The following NXT2 variants were observed in gnomAD, a reference collection of about 807,000 sequenced individuals.
NXT2 encodes the protein nuclear transport factor 2 like export factor 2, also known as NTF2-related export protein 2.
Under a neutral mutation model 9.6 loss-of-function variants are expected in NXT2, and 1 was observed. The observed-to-expected ratio is 0.10, with a 90% CI of 0.04 to 0.49. NXT2 has a LOEUF of 0.49. NXT2 is among the 20% of genes least tolerant of loss of function. The pLI, the probability that NXT2 is intolerant of heterozygous loss-of-function variation, is 0.95. For synonymous variants in NXT2, 22 were observed against 35.4 expected (o/e 0.62, Z 1.34); for missense variants, 48 against 100.3 (o/e 0.48, Z 2.23).
Position 109,543,465 on chromosome X carries a change from C to T in NXT2, c.*777C>T, listed in dbSNP as rs1287380221. The T allele has an allele frequency of 1.8e-5, 2 of 111,702 alleles. No individual in the cohort carries two copies. Among genetic ancestry groups the T allele is most frequent in the Non-Finnish European group, 3.8e-5 (2 of 52,941 alleles). The allele number at this position is 111,702 out of a possible 1,213,427, so 9.2% of individuals were successfully genotyped here. A position where few individuals can be genotyped will look rare whatever the true frequency, so the allele number is the denominator to read the frequency against. ...GGGAATGAGAAATAGAAATCCAAGG[C>T]TGAAGCCAAAAGTAAGGAGGGTGGC... On this transcript the variant is annotated 3_prime_UTR_variant, in exon 4 of 4. Coordinates refer to ENST00000372106, the MANE Select transcript of NXT2 (RefSeq NM_001242617.2).
chrX:109,542,431 GTAT>G (rs997677874), intron 3 of NXT2, 73 bp from the exon 4 acceptor site: 2 of 901,648 alleles, frequency 2.2e-6, no homozygotes, highest in African/African-American at 4.1e-5. Flanking sequence ...CATAAACAAT[GTAT>G]TTTAAGCCTG....
At position 109,536,926 on chromosome X, in the gene NXT2, T is replaced by A. The variant is rs770279889; in HGVS notation, c.-81T>A. Reference sequence around the variant, plus strand: ...GTTTCGCTCTCTTCATAAGTATTGATCATTCCGCAGCCCTGCGGACCGGAC... The same window carrying A: ...GTTTCGCTCTCTTCATAAGTATTGAACATTCCGCAGCCCTGCGGACCGGAC... On this transcript the variant is annotated 5_prime_UTR_variant, in exon 1 of 4. Transcript: ENST00000372106. 1.7e-6 allele frequency: 2 copies of A among 1,210,337 alleles called. No individual in the cohort carries two copies. The highest frequency in any genetic ancestry group is 2.2e-5 in the Admixed American group (1 of 45,972).
upstream of NXT2, chrX:109,536,657 G>C: frequency 6.7e-6 from 2 of 299,627 alleles, 1 homozygote; most frequent in South Asian, 2.0e-4. Context: ...TTTCATTTTT[G>C]CTTGTCCCCA....
In NXT2 at chrX:109,544,440, T is replaced by C. The variant is rs923398120; in HGVS notation, c.*1752T>C. The stretch of plus-strand genomic sequence containing the variant: ...AGCTTCAGCAGCAACAATCAGAATG[T>C]CCAAATGCTGTCCTTTCCCTTACAG... On this transcript the variant is annotated 3_prime_UTR_variant, in exon 4 of 4. Coordinates refer to ENST00000372106, the MANE Select transcript of NXT2 (RefSeq NM_001242617.2). The C allele has an allele frequency of 8.9e-6, 1 of 112,677 alleles. No homozygotes were observed. The highest frequency in any genetic ancestry group is 1.9e-5 in the Non-Finnish European group (1 of 53,179). 9.3% of individuals were successfully genotyped at this position (112,677 alleles called of 1,213,427 possible).
rs1050832418 is a variant in NXT2, at chrX:109,537,467, A to G, written c.15+446A>G. 8.2e-6 allele frequency: 5 copies of G among 611,547 alleles called. 1 individual carries two copies. The highest frequency in any genetic ancestry group is 1.8e-4 in the Admixed American group (2 of 11,314). The allele number at this position is 611,547 out of a possible 1,213,427, so 50.4% of individuals were successfully genotyped here. ...CAACAGCGTTGCTTTCTTCGGTGTC[A>G]CAGTTCTTAGGCAAACAGCAGTGAA... On this transcript the variant is annotated intron_variant, in intron 1 of 3. Transcript: ENST00000372106.
rs775731678 is a variant in NXT2 at position 109,544,254 on chromosome X, C to T, written c.*1566C>T. The T allele has an allele frequency of 8.2e-4, 92 of 112,782 alleles. No individual in the cohort carries two copies. The highest frequency in any genetic ancestry group is 4.6e-3 in the Middle Eastern group (1 of 216). 9.3% of individuals were successfully genotyped at this position (112,782 alleles called of 1,213,427 possible). ...GTAATTCATTTACTCTTGCCCAAAA[C>T]TATACACTGTATTTCTGTTATAGTA... On this transcript the variant is annotated 3_prime_UTR_variant, in exon 4 of 4. Coordinates refer to ENST00000372106, the MANE Select transcript of NXT2 (RefSeq NM_001242617.2).
At position 109,543,309 on chromosome X, in the gene NXT2, T is replaced by C. The variant is rs895350316; in HGVS notation, c.*621T>C. The C allele has an allele frequency of 8.9e-6, 1 of 112,226 alleles. No individual in the cohort carries two copies. The highest frequency in any genetic ancestry group is 1.9e-5 in the Non-Finnish European group (1 of 53,106). The allele number at this position is 112,226 out of a possible 1,213,427, so 9.2% of individuals were successfully genotyped here. A position where few individuals can be genotyped will look rare whatever the true frequency, so the allele number is the denominator to read the frequency against. On this transcript the variant is annotated 3_prime_UTR_variant, in exon 4 of 4. Transcript: ENST00000372106. ...TAGAGAGGTGCAAAACGTTCTCAGTTGATATCTGAGTATTGGGTGCATTTG... is the reference window on the plus strand; with the variant it reads ...TAGAGAGGTGCAAAACGTTCTCAGTCGATATCTGAGTATTGGGTGCATTTG...
rs1933473677 is a variant in NXT2, at chrX:109,543,926, ATT to A, written c.*1241_*1242del. On this transcript the variant is annotated 3_prime_UTR_variant, in exon 4 of 4. Coordinates refer to ENST00000372106, the MANE Select transcript of NXT2 (RefSeq NM_001242617.2). ...AATTATTTAAAGGTAGAATTATTTA[ATT>A]TTGTGATTTGTTCTTCCATATGACA... The A allele has an allele frequency of 8.9e-6, 1 of 112,338 alleles. No homozygotes were observed. Among genetic ancestry groups the A allele is most frequent in the Non-Finnish European group, 1.9e-5 (1 of 53,071 alleles). The allele number at this position is 112,338 out of a possible 1,213,427, so 9.3% of individuals were successfully genotyped here. A position where few individuals can be genotyped will look rare whatever the true frequency, so the allele number is the denominator to read the frequency against.
At chrX:109,536,185 C>T (rs1043188787), upstream of NXT2, among the ~76,000 whole-genome samples, 1 of 110,738 alleles carries the variant, frequency 9.0e-6, no homozygotes, top group Non-Finnish European at 1.9e-5. Context: ...ATAGCAATTA[C>T]CTCAGCATTG....
chrX:109,538,560 T>C, intron 2 of NXT2, among the ~76,000 whole-genome samples: 1 of 111,582 alleles, frequency 9.0e-6, no homozygotes, highest in East Asian at 2.8e-4. Flanking sequence ...TCGCCCCTTT[T>C]ATTTCATATA....
intron 3 of NXT2, among the ~76,000 whole-genome samples, 192 bp from the exon 4 acceptor site, chrX:109,542,315 T>G (rs773902833): frequency 8.1e-5 from 9 of 111,499 alleles, no homozygotes; most frequent in South Asian, 3.7e-4. Context: ...CTGAAAATAA[T>G]TTTAATATCT....
intron 2 of NXT2, among the ~76,000 whole-genome samples, chrX:109,539,065 C>G (rs745450809): frequency 5.0e-4 from 55 of 110,952 alleles, no homozygotes; most frequent in Non-Finnish European, 8.1e-4. Context: ...ATGTTCCCTT[C>G]CCTGTGTCCA....
chrX:109,544,558 T>C lies in NXT2; in HGVS notation c.*1870T>C, dbSNP rs1323269479. On this transcript the variant is annotated 3_prime_UTR_variant, in exon 4 of 4. Transcript: ENST00000372106. ...CATGATTGTTGTGTTTTAAGACTTGTATATAAACTGCTTTTTCCAAACTCT... is the reference window on the plus strand; with the variant it reads ...CATGATTGTTGTGTTTTAAGACTTGCATATAAACTGCTTTTTCCAAACTCT... 1 of 112,739 alleles carries C rather than the reference T, an allele frequency of 8.9e-6. No homozygotes were observed. The highest frequency in any genetic ancestry group is 3.2e-5 in the African/African-American group (1 of 31,043). 9.3% of individuals were successfully genotyped at this position (112,739 alleles called of 1,213,427 possible). A position where few individuals can be genotyped will look rare whatever the true frequency, so the allele number is the denominator to read the frequency against.
At position 109,543,669 on chromosome X, in the gene NXT2, C is replaced by T. The variant is rs1313757839; in HGVS notation, c.*981C>T. ...TCATACTTATCACCAATGTATATCT[C>T]CATTTATTCAATAACTTACTGGGGT... On this transcript the variant is annotated 3_prime_UTR_variant, in exon 4 of 4. Transcript: ENST00000372106. The T allele has an allele frequency of 8.9e-6, 1 of 111,942 alleles. No individual in the cohort carries two copies. The highest frequency in any genetic ancestry group is 3.2e-5 in the African/African-American group (1 of 30,794). The allele number at this position is 111,942 out of a possible 1,213,427, so 9.2% of individuals were successfully genotyped here.
chrX:109,541,622 A>G lies in NXT2; in HGVS notation c.247+3A>G, dbSNP rs1181317160. The G allele has an allele frequency of 1.7e-6, 2 of 1,191,952 alleles. No homozygotes were observed. The highest frequency in any genetic ancestry group is 3.7e-5 in the South Asian group (2 of 54,123). On this transcript the variant is annotated splice_donor_region_variant and intron_variant, in intron 3 of 3. Transcript: ENST00000372106. ...GTTAGATTGCCAACCAGTTCATGGT[A>G]AGATCATGATCTTTCAAGATGCTTC...
At chrX:109,537,381 T>G in intron 1 of NXT2, 14 of 809,567 alleles carry the variant, frequency 1.7e-5, no homozygotes, top group Non-Finnish European at 1.9e-5. Context: ...AATTTAGTAA[T>G]AGACTGGGCC....
chrX:109,536,702 T>G, upstream of NXT2: 1 of 478,412 alleles, frequency 2.1e-6, no homozygotes, highest in South Asian at 5.6e-5. Flanking sequence ...ACTTTCCTGT[T>G]GAGTATCATG....
At chrX:109,540,024 G>A (rs1000298598) in intron 2 of NXT2, among the ~76,000 whole-genome samples, 6 of 111,715 alleles carry the variant, frequency 5.4e-5, no homozygotes, top group Admixed American at 4.7e-4. Flanking sequence ...GTAAGGAAGG[G>A]GTCCAGTTTC....
rs1933488495 is a variant in NXT2 at position 109,544,535 on chromosome X, T to C, written c.*1847T>C. ...TACATTGAACGGTGTGCATTGTTCATGATTGTTGTGTTTTAAGACTTGTAT... is the reference window on the plus strand; with the variant it reads ...TACATTGAACGGTGTGCATTGTTCACGATTGTTGTGTTTTAAGACTTGTAT... On this transcript the variant is annotated 3_prime_UTR_variant, in exon 4 of 4. Transcript: ENST00000372106. 1 of 112,791 alleles carries C rather than the reference T, an allele frequency of 8.9e-6. No homozygotes were observed. Among genetic ancestry groups the C allele is most frequent in the Admixed American group, 9.4e-5 (1 of 10,618 alleles). The allele number at this position is 112,791 out of a possible 1,213,427, so 9.3% of individuals were successfully genotyped here.
Sources: allele counts gnomAD v4.1 joint callset (sites outside exome capture counted in the v4.1 genomes callset), GRCh38; gene constraint gnomAD v4.1.1; transcripts MANE v1.5; gene names NCBI Gene and HGNC (gene_info 2026-07-23, HGNC 2026-07-21).